PLPP3: variants seen among roughly 807,000 people sequenced by gnomAD.
PLPP3 encodes the protein PAP2 beta.
Under a neutral mutation model 29.6 loss-of-function variants are expected in PLPP3, and 6 were observed. The ratio of observed to expected loss-of-function variants is 0.20; its 90% CI spans 0.11 to 0.40. The LOEUF (loss-of-function observed/expected upper bound fraction) is 0.40, where lower values mean the gene tolerates loss of function less well. PLPP3 is among the 10% of genes least tolerant of loss of function. The probability of loss-of-function intolerance (pLI) is 1.00; values close to 1 mark genes in which losing one functional copy is unlikely to be tolerated. For missense variants in PLPP3, 308 were observed against 407.7 expected (o/e 0.76, Z 2.11); for synonymous variants, 152 against 159.7 (o/e 0.95, Z 0.36).
chr1:56,544,980 A>C (rs1298984316), intron 1 of PLPP3, among the ~76,000 whole-genome samples: 1 of 152,166 alleles, frequency 6.6e-6, no homozygotes, highest in Non-Finnish European at 1.5e-5. Flanking sequence ...CTCTTACATA[A>C]ATCATCACAT....
At position 56,557,026 on chromosome 1, in the gene PLPP3, A is replaced by AAAGAG. The variant is rs1553139342; in HGVS notation, c.140-19915_140-19914insCTCTT. 1.7e-3 allele frequency among the ~76,000 whole-genome samples: 16 copies of AAAGAG among 9,522 alleles called. 4 individuals are homozygous for AAAGAG. Among genetic ancestry groups the AAAGAG allele is most frequent in the East Asian group, 5.9e-3 (3 of 510 alleles). 6.2% of individuals were successfully genotyped at this position (9,522 alleles called of 152,430 possible). A position where few individuals can be genotyped will look rare whatever the true frequency, so the allele number is the denominator to read the frequency against. On this transcript the variant is annotated intron_variant, in intron 1 of 5. Coordinates refer to ENST00000371250, the MANE Select transcript of PLPP3 (RefSeq NM_003713.5). ...AGAAAGAAAGAGAGAGAGAGAGAGA[A>AAAGAG]AGAGAGAGAGAGAGAGAGAGAGAGA...
At chr1:56,557,012 G>GGAAAGAAAGAAAAGAAAGAA (rs1557513521) in intron 1 of PLPP3, among the ~76,000 whole-genome samples, 1 of 9,104 alleles carries the variant, frequency 1.1e-4, no homozygotes, top group Non-Finnish European at 2.7e-4. Context: ...GAAAGAAAGA[G>GGAAAGAAAGAAAAGAAAGAA]AGAGAGAGAG....
chr1:56,578,741 C>A (rs1266348789), intron 1 of PLPP3, 137 bp downstream of exon 1: 2 of 970,252 alleles, frequency 2.1e-6, no homozygotes, highest in Non-Finnish European at 1.3e-6. Context: ...GGCGCAAAGG[C>A]TCCCCAGGAA....
At chr1:56,555,445 A>C (rs1569591842) in intron 1 of PLPP3, among the ~76,000 whole-genome samples, 1 of 148,036 alleles carries the variant, frequency 6.8e-6, no homozygotes, top group Non-Finnish European at 1.5e-5. Flanking sequence ...AAAAAAAAAA[A>C]AAAAAAAAAA....
intron 4 of PLPP3, among the ~76,000 whole-genome samples, chr1:56,516,071 A>G (rs1259504634): frequency 6.6e-6 from 1 of 152,104 alleles, no homozygotes; most frequent in Non-Finnish European, 1.5e-5. Context: ...TTTTGGTGAA[A>G]CTTAAAGAAG....
intron 1 of PLPP3, among the ~76,000 whole-genome samples, chr1:56,566,617 C>G (rs1646163453): frequency 6.6e-6 from 1 of 152,158 alleles, no homozygotes; most frequent in Admixed American, 6.6e-5. Context: ...ATCATTTACC[C>G]TCTCTGAGCT....
chr1:56,496,063 C>CAA lies in PLPP3; in HGVS notation c.*486_*487dup, dbSNP rs992616088. Reference sequence around the variant, plus strand: ...TTGCTCTTTCCTTTTATTTAAAACACAAAACAAAACTTCCTGAACTAAAGT... The same window carrying CAA: ...TTGCTCTTTCCTTTTATTTAAAACACAAAAAACAAAACTTCCTGAACTAAAGT... On this transcript the variant is annotated 3_prime_UTR_variant, in exon 6 of 6. Transcript: ENST00000371250. 1.9e-5 allele frequency: 3 copies of CAA among 153,912 alleles called. No homozygotes were observed. Among genetic ancestry groups the CAA allele is most frequent in the African/African-American group, 7.2e-5 (3 of 41,452 alleles). 9.5% of individuals were successfully genotyped at this position (153,912 alleles called of 1,614,324 possible).
At chr1:56,568,306 G>A (rs931880109) in intron 1 of PLPP3, among the ~76,000 whole-genome samples, 1 of 152,084 alleles carries the variant, frequency 6.6e-6, no homozygotes, top group East Asian at 1.9e-4. Flanking sequence ...TTAAAGAAAT[G>A]AATTGCATAG....
chr1:56,543,297 G>A (rs1350693451), intron 1 of PLPP3, among the ~76,000 whole-genome samples: 3 of 152,140 alleles, frequency 2.0e-5, no homozygotes, highest in Non-Finnish European at 2.9e-5. Flanking sequence ...TTATTTTCAT[G>A]TATACCCAAC....
At chr1:56,568,122 G>A (rs887896887) in intron 1 of PLPP3, among the ~76,000 whole-genome samples, 2 of 152,140 alleles carry the variant, frequency 1.3e-5, no homozygotes, top group Non-Finnish European at 2.9e-5. Context: ...ATTCGTGGTT[G>A]CCATGAGATG....
chr1:56,541,303 C>T (rs899214814), intron 1 of PLPP3, among the ~76,000 whole-genome samples: 3 of 152,000 alleles, frequency 2.0e-5, no homozygotes, highest in African/African-American at 4.8e-5. Flanking sequence ...TAAACAAATA[C>T]AATTTTAAAG....
At chr1:56,520,448 G>T (rs777091088) in intron 4 of PLPP3, among the ~76,000 whole-genome samples, 15 of 152,128 alleles carry the variant, frequency 9.9e-5, no homozygotes, top group Non-Finnish European at 1.6e-4. Context: ...CCCAACTCCA[G>T]AACTTCCTGC....
At chr1:56,501,397 C>T (rs889349868) in intron 5 of PLPP3, among the ~76,000 whole-genome samples, 4 of 152,140 alleles carry the variant, frequency 2.6e-5, no homozygotes, top group African/African-American at 7.2e-5. Flanking sequence ...TTGCCCCCCA[C>T]GCCAGTGGCA....
chr1:56,566,904 A>T (rs1183118530), intron 1 of PLPP3, among the ~76,000 whole-genome samples: 1 of 152,210 alleles, frequency 6.6e-6, no homozygotes, highest in Admixed American at 6.5e-5. Context: ...CTAAGATGAC[A>T]ACTACACATA....
At chr1:56,562,684 T>C (rs909250093) in intron 1 of PLPP3, among the ~76,000 whole-genome samples, 1 of 152,200 alleles carries the variant, frequency 6.6e-6, no homozygotes, top group African/African-American at 2.4e-5. Context: ...GTCACTCAGC[T>C]AATACAGCAA....
intron 4 of PLPP3, among the ~76,000 whole-genome samples, chr1:56,516,655 A>C (rs578047538): frequency 1.3e-5 from 2 of 152,218 alleles, no homozygotes; most frequent in East Asian, 3.9e-4. Context: ...CCCAAGCCCC[A>C]CAATGACACC....
chr1:56,568,728 C>A (rs928742399), intron 1 of PLPP3, among the ~76,000 whole-genome samples: 14 of 152,134 alleles, frequency 9.2e-5, no homozygotes, highest in African/African-American at 3.4e-4. Context: ...CGGGTTCAAG[C>A]AATTCTCTGC....
intron 1 of PLPP3, among the ~76,000 whole-genome samples, chr1:56,567,586 A>G (rs1646170158): frequency 6.6e-6 from 1 of 151,682 alleles, no homozygotes; most frequent in African/African-American, 2.4e-5. Context: ...TTTAGTAGAG[A>G]CGGGGTTTCA....
At chr1:56,557,082 GAGA>G (rs1646089204) in intron 1 of PLPP3, among the ~76,000 whole-genome samples, 1 of 134,242 alleles carries the variant, frequency 7.4e-6, no homozygotes, top group South Asian at 2.4e-4. Flanking sequence ...AAGAAAAAAT[GAGA>G]GAGAGAGAAA....
Sources: allele counts gnomAD v4.1 joint callset (sites outside exome capture counted in the v4.1 genomes callset), GRCh38; gene constraint gnomAD v4.1.1; transcripts MANE v1.5; gene names NCBI Gene and HGNC (gene_info 2026-07-23, HGNC 2026-07-21).